Variants in CELSR3 observed in about 807,000 individuals in gnomAD.
The protein encoded by CELSR3 is EGF-like protein 1.
Under a neutral mutation model 270.0 loss-of-function variants are expected in CELSR3, and 73 were observed. The ratio of observed to expected loss-of-function variants is 0.27; its 90% confidence interval spans 0.22 to 0.33. The LOEUF (loss-of-function observed/expected upper bound fraction) is 0.33. CELSR3 is among the 10% of genes least tolerant of loss of function. CELSR3 has a pLI of 1.00. For synonymous variants in CELSR3, 1,780 were observed against 1,905.4 expected (o/e 0.93, Z 1.71); for missense variants, 3,614 against 4,533.8 (o/e 0.80, Z 5.83).
Position 48,656,795 on chromosome 3 carries a change from G to C in CELSR3, c.4302C>G (p.Thr1434=). 1 of 1,602,000 alleles carries C rather than the reference G, an allele frequency of 6.2e-7. No homozygotes were observed. Among genetic ancestry groups the C allele is most frequent in the Non-Finnish European group, 8.5e-7 (1 of 1,174,048 alleles). ...PPGFTGDFCE[T]ELDLCYSNPC... is the part of the protein sequence containing the mutation. Reference sequence around the variant, plus strand: ...GGTTGGAGTAGCAGAGGTCGAGCTCGGTCTCGCAAAAGTCTCCCGTGAATC... The same window carrying C: ...GGTTGGAGTAGCAGAGGTCGAGCTCCGTCTCGCAAAAGTCTCCCGTGAATC... Residue 1434 remains threonine, a synonymous_variant, in exon 2 of 35, where the codon ACC becomes ACG. Coordinates refer to ENST00000164024, the MANE Select transcript of CELSR3 (RefSeq NM_001407.3).
Position 48,640,664 on chromosome 3 carries a change from A to G in CELSR3, c.9026-105T>C, listed in dbSNP as rs2047017553. The G allele has an allele frequency of 7.9e-7, 1 of 1,271,494 alleles. No homozygotes were observed. Among genetic ancestry groups the G allele is most frequent in the Non-Finnish European group, 1.1e-6 (1 of 944,482 alleles). The allele number at this position is 1,271,494 out of a possible 1,614,324, so 78.8% of individuals were successfully genotyped here. On this transcript the variant is annotated intron_variant, in intron 33 of 34. Transcript: ENST00000164024. The surrounding 1 kb of genome is among the most constrained non-coding windows in gnomAD (Gnocchi z 7.5). ...GCAGCCCTTGGGATCCTTCCAACAC[A>G]GGGATGGGAGCAGGAACCCCTTGGG...
In CELSR3 at chr3:48,644,649, T is replaced by C. The variant is rs1029331410; in HGVS notation, c.8085+67A>G. The C allele has an allele frequency of 3.1e-6, 4 of 1,304,226 alleles. No individual in the cohort carries two copies. In the Admixed American group the frequency reaches 5.4e-5, roughly 18 times the overall value. The allele number at this position is 1,304,226 out of a possible 1,614,324, so 80.8% of individuals were successfully genotyped here. On this transcript the variant is annotated intron_variant, in intron 26 of 34. Transcript: ENST00000164024. This position sits in a 1 kb window ranked among gnomAD's most constrained non-coding sequence, Gnocchi z 4.8. ...TGCCACCTGACCGCCCTCAGCTGAGTCCACTGCACCTCCTCCCCCAATGAG... is the reference window on the plus strand; with the variant it reads ...TGCCACCTGACCGCCCTCAGCTGAGCCCACTGCACCTCCTCCCCCAATGAG...
Position 48,655,540 on chromosome 3 carries a change from C to A in CELSR3, c.4742-146G>T. ...GACCACAATGGCTGGCTCAGAGTGCCTTTGAACAGACAGGAGAAACAGACT... is the reference window on the plus strand; with the variant it reads ...GACCACAATGGCTGGCTCAGAGTGCATTTGAACAGACAGGAGAAACAGACT... On this transcript the variant is annotated intron_variant, in intron 4 of 34. Transcript: ENST00000164024. The surrounding 1 kb of genome is among the most constrained non-coding windows in gnomAD (Gnocchi z 5.8). 1.1e-6 allele frequency: 1 copy of A among 938,432 alleles called. No individual in the cohort carries two copies. Among genetic ancestry groups the A allele is most frequent in the Non-Finnish European group, 1.7e-6 (1 of 598,350 alleles). The allele number at this position is 938,432 out of a possible 1,614,324, so 58.1% of individuals were successfully genotyped here.
In CELSR3 at chr3:48,652,618, A is replaced by G. The variant is rs1374215889; in HGVS notation, c.5635-65T>C. ...CTGATGAACCCCTGTCATAGCCCAG[A>G]GTCAGTCTTGGCCTTCTTCTAGCCC... On this transcript the variant is annotated intron_variant, in intron 10 of 34. Coordinates refer to ENST00000164024, the MANE Select transcript of CELSR3 (RefSeq NM_001407.3). The surrounding 1 kb of genome is among the most constrained non-coding windows in gnomAD (Gnocchi z 4.3). The G allele has an allele frequency of 7.6e-7, 1 of 1,321,044 alleles. No individual in the cohort carries two copies. Among genetic ancestry groups the G allele is most frequent in the African/African-American group, 1.5e-5 (1 of 68,512 alleles). The allele number at this position is 1,321,044 out of a possible 1,614,324, so 81.8% of individuals were successfully genotyped here. A position where few individuals can be genotyped will look rare whatever the true frequency, so the allele number is the denominator to read the frequency against.
rs2077026562 is a variant in CELSR3, at chr3:48,656,791, G to T, written c.4306C>A (p.Leu1436Ile). The change falls in exon 2 of 35, where the codon CTC becomes ATC. Residue 1436 changes from leucine to isoleucine, a missense_variant. Transcript: ENST00000164024. ...GFTGDFCETE[L>I]DLCYSNPCRN... Reference sequence around the variant, plus strand: ...CATGGGTTGGAGTAGCAGAGGTCGAGCTCGGTCTCGCAAAAGTCTCCCGTG... The same window carrying T: ...CATGGGTTGGAGTAGCAGAGGTCGATCTCGGTCTCGCAAAAGTCTCCCGTG... 1 of 1,600,012 alleles carries T rather than the reference G, an allele frequency of 6.2e-7. No homozygotes were observed. The highest frequency in any genetic ancestry group is 8.5e-7 in the Non-Finnish European group (1 of 1,173,144).
Position 48,648,306 on chromosome 3 carries a change from G to C in CELSR3, c.6933C>G (p.Leu2311=). 6.4e-7 allele frequency: 1 copy of C among 1,565,360 alleles called. No homozygotes were observed. Among genetic ancestry groups the C allele is most frequent in the Non-Finnish European group, 8.7e-7 (1 of 1,150,728 alleles). ...YAATLARNME[L]TYLNPMGLVT... is the part of the protein sequence containing the mutation. ...CCAGCCCCATGGGATTCAGGTATGT[G>C]AGTTCCATATTCCTTGCGAGTGTGG... The change falls in exon 19 of 35, where the codon CTC becomes CTG. Residue 2311 remains leucine, a synonymous_variant. Transcript: ENST00000164024.
Position 48,661,526 on chromosome 3 carries a change from C to T in CELSR3, c.1109G>A (p.Ser370Asn). Reference sequence around the variant, plus strand: ...GATGCTGAACAGCTCCAGCGAGCGGCTGTTCATGAGTGCCGCCAGCGAGTA... The same window carrying T: ...GATGCTGAACAGCTCCAGCGAGCGGTTGTTCATGAGTGCCGCCAGCGAGTA... Reference protein sequence around the residue: ...LVYSLAALMNSRSLELFSIDP... With the variant: ...LVYSLAALMNNRSLELFSIDP... Residue 370 changes from serine to asparagine, a missense_variant, in exon 1 of 35, where the codon AGC becomes AAC. Ser to Asn is a conservative substitution (Grantham distance 46, BLOSUM62 1). Around this residue, in one of 7 missense-constraint regions of CELSR3, gnomAD observed 354 missense variants for 500.9 expected, o/e 0.71. Coordinates refer to ENST00000164024, the MANE Select transcript of CELSR3 (RefSeq NM_001407.3). The T allele has an allele frequency of 6.2e-7, 1 of 1,604,826 alleles. No homozygotes were observed. Among genetic ancestry groups the T allele is most frequent in the Non-Finnish European group, 8.5e-7 (1 of 1,176,778 alleles).
chr3:48,656,922 G>T lies in CELSR3; in HGVS notation c.4175C>A (p.Ser1392Tyr), dbSNP rs1160059880. 1 of 1,611,226 alleles carries T rather than the reference G, an allele frequency of 6.2e-7. No individual in the cohort carries two copies. The highest frequency in any genetic ancestry group is 8.5e-7 in the Non-Finnish European group (1 of 1,178,756). The part of the protein sequence containing the change: ...EPCENYMKCV[S>Y]VLRFDSSAPF... ...CGCGGACGAGTCAAAGCGGAGCACGGACACGCATTTCATGTAGTTCTCACA... is the reference window on the plus strand; with the variant it reads ...CGCGGACGAGTCAAAGCGGAGCACGTACACGCATTTCATGTAGTTCTCACA... The change falls in exon 2 of 35, where the codon TCC becomes TAC. Residue 1392 changes from serine (S) to tyrosine (Y), a missense_variant. By Grantham distance (144) the Ser-to-Tyr change is moderately radical. Around this residue, in one of 7 missense-constraint regions of CELSR3, gnomAD observed 1,331 missense variants for 1,933.7 expected, o/e 0.69. Coordinates refer to ENST00000164024, the MANE Select transcript of CELSR3 (RefSeq NM_001407.3).
chr3:48,651,666 G>A lies in CELSR3; in HGVS notation c.5976C>T (p.Asn1992=), dbSNP rs868205269. 6.3e-7 allele frequency: 1 copy of A among 1,584,990 alleles called. No individual in the cohort carries two copies. The highest frequency in any genetic ancestry group is 1.4e-5 in the African/African-American group (1 of 74,048). ...VDACLLNPCQ[N]QGSCRHLPGA... is the part of the protein sequence containing the mutation. ...CTGGCAGGTGCCGGCATGATCCCTGGTTCTGACAGGGGTTCAGGAGGCAGG... is the reference window on the plus strand; with the variant it reads ...CTGGCAGGTGCCGGCATGATCCCTGATTCTGACAGGGGTTCAGGAGGCAGG... Residue 1992 remains asparagine, a synonymous_variant, in exon 13 of 35, where the codon AAC becomes AAT. Coordinates refer to ENST00000164024, the MANE Select transcript of CELSR3 (RefSeq NM_001407.3). This position sits in a 1 kb window ranked among gnomAD's most constrained non-coding sequence, Gnocchi z 7.4.
chr3:48,641,641 A>G lies in CELSR3; in HGVS notation c.8825-117T>C. 1 of 864,758 alleles carries G rather than the reference A, an allele frequency of 1.2e-6. No homozygotes were observed. The highest frequency in any genetic ancestry group is 1.8e-6 in the Non-Finnish European group (1 of 558,690). The allele number at this position is 864,758 out of a possible 1,614,324, so 53.6% of individuals were successfully genotyped here. ...CTCATTGAGCAGAGGTGGGAACAGG[A>G]GGGTATCTCCTCAGAGATCAATGGG... is the stretch of plus-strand genomic sequence containing the variant. On this transcript the variant is annotated intron_variant, in intron 32 of 34. Coordinates refer to ENST00000164024, the MANE Select transcript of CELSR3 (RefSeq NM_001407.3). This position sits in a 1 kb window ranked among gnomAD's most constrained non-coding sequence, Gnocchi z 4.8.
At position 48,645,789 on chromosome 3, in the gene CELSR3, T is replaced by C. The variant is rs369967184; in HGVS notation, c.7543A>G (p.Ser2515Gly). The change falls in exon 23 of 35, where the codon AGC becomes GGC. Residue 2515 changes from serine (S) to glycine (G), a missense_variant. Physicochemically the swap from Ser to Gly is moderately conservative, Grantham distance 56. Coordinates refer to ENST00000164024, the MANE Select transcript of CELSR3 (RefSeq NM_001407.3). This position sits in a 1 kb window ranked among gnomAD's most constrained non-coding sequence, Gnocchi z 5.4. ...RNGSHARCRC[S>G]RTGTFGVLMD... The stretch of plus-strand genomic sequence containing the variant: ...AGGACCCCAAAGGTCCCTGTCCGGC[T>C]GCAGCGACACCGTGCGTGGGACCCA... 2.3e-5 allele frequency: 37 copies of C among 1,611,864 alleles called. No homozygotes were observed. The highest frequency in any genetic ancestry group is 3.1e-5 in the Non-Finnish European group (36 of 1,179,396).
In CELSR3 at chr3:48,641,618, C is replaced by T; in HGVS notation, c.8825-94G>A. ...TGACCCTTGAAACCCTGGCTGTTCT[C>T]ATTGAGCAGAGGTGGGAACAGGAGG... On this transcript the variant is annotated intron_variant, in intron 32 of 34. Coordinates refer to ENST00000164024, the MANE Select transcript of CELSR3 (RefSeq NM_001407.3). The surrounding 1 kb of genome is among the most constrained non-coding windows in gnomAD (Gnocchi z 4.8). 1 of 1,013,834 alleles carries T rather than the reference C, an allele frequency of 9.9e-7. No homozygotes were observed. Among genetic ancestry groups the T allele is most frequent in the Non-Finnish European group, 1.5e-6 (1 of 674,284 alleles). The allele number at this position is 1,013,834 out of a possible 1,614,324, so 62.8% of individuals were successfully genotyped here. A position where few individuals can be genotyped will look rare whatever the true frequency, so the allele number is the denominator to read the frequency against.
chr3:48,642,583 G>T lies in CELSR3; in HGVS notation c.8556-116C>A. ...GGTGGAATGGCATCCCTGGGTGTGT[G>T]TGGTGGGAAGCATTTAGGGCAGAGG... On this transcript the variant is annotated intron_variant, in intron 30 of 34. Coordinates refer to ENST00000164024, the MANE Select transcript of CELSR3 (RefSeq NM_001407.3). This position sits in a 1 kb window ranked among gnomAD's most constrained non-coding sequence, Gnocchi z 6.1. 7.0e-7 allele frequency: 1 copy of T among 1,422,542 alleles called. No homozygotes were observed. Among genetic ancestry groups the T allele is most frequent in the Non-Finnish European group, 9.5e-7 (1 of 1,050,136 alleles). The allele number at this position is 1,422,542 out of a possible 1,614,324, so 88.1% of individuals were successfully genotyped here. A position where few individuals can be genotyped will look rare whatever the true frequency, so the allele number is the denominator to read the frequency against.
rs764126412 is a variant in CELSR3 at position 48,655,348 on chromosome 3, A to T, written c.4788T>A (p.Ser1596Arg). The change falls in exon 5 of 35, where the codon AGT becomes AGA. Residue 1596 changes from serine to arginine, a missense_variant. By Grantham distance (110) the Ser-to-Arg change is moderately radical. This residue lies in a region of CELSR3 where 1,331 missense variants were observed against 1,933.7 expected (regional missense o/e 0.69). Transcript: ENST00000164024. This position sits in a 1 kb window ranked among gnomAD's most constrained non-coding sequence, Gnocchi z 5.8. Reference protein sequence around the residue: ...VVSPTVPGGLSDGQWHTVHLR... With the variant: ...VVSPTVPGGLRDGQWHTVHLR... ...GATGCACTGTATGCCATTGCCCGTC[A>T]CTCAAGCCCCCTGGAACTGTGGGGC... 6.2e-7 allele frequency: 1 copy of T among 1,614,036 alleles called. No individual in the cohort carries two copies. Among genetic ancestry groups the T allele is most frequent in the Admixed American group, 1.7e-5 (1 of 60,010 alleles).
Position 48,648,377 on chromosome 3 carries a change from A to G in CELSR3, c.6862T>C (p.Ser2288Pro), listed in dbSNP as rs1183603253. 6.2e-7 allele frequency: 1 copy of G among 1,611,632 alleles called. No individual in the cohort carries two copies. Among genetic ancestry groups the G allele is most frequent in the Non-Finnish European group, 8.5e-7 (1 of 1,179,566 alleles). Residue 2288 changes from serine to proline, a missense_variant, in exon 19 of 35, where the codon TCC (serine) becomes CCC (proline). Coordinates refer to ENST00000164024, the MANE Select transcript of CELSR3 (RefSeq NM_001407.3). ...CTCACCAGTCCCGCGCTGCCTGGGGAGCCCCCAGGGGCCCGCTGCCCCAGC... is the reference window on the plus strand; with the variant it reads ...CTCACCAGTCCCGCGCTGCCTGGGGGGCCCCCAGGGGCCCGCTGCCCCAGC... ...AALGQRAPGG[S>P]PGSAGLVRHL...
rs2077063361 is a variant in CELSR3, at chr3:48,661,136, C to T, written c.1499G>A (p.Arg500Gln). ...GCTTTCCATGTGCTCGCGGTCCACT[C>T]GGCCGCTGGTGCTGATGAGGCCGGA... The part of the protein sequence containing the change: ...PRSGLISTSG[R>Q]VDREHMESYE... Residue 500 changes from arginine (R) to glutamine (Q), a missense_variant, in exon 1 of 35, where the codon CGA (arginine) becomes CAA (glutamine). This residue lies in a region of CELSR3 where 354 missense variants were observed against 500.9 expected (regional missense o/e 0.71). Transcript: ENST00000164024. 2 of 1,607,574 alleles carry T rather than the reference C, an allele frequency of 1.2e-6. No homozygotes were observed. The highest frequency in any genetic ancestry group is 1.7e-5 in the Admixed American group (1 of 59,146).
In CELSR3 at chr3:48,652,440, G is replaced by A; in HGVS notation, c.5748C>T (p.Ile1916=). The change falls in exon 11 of 35, where the codon ATC becomes ATT. Residue 1916 remains isoleucine (I), a synonymous_variant. Coordinates refer to ENST00000164024, the MANE Select transcript of CELSR3 (RefSeq NM_001407.3). This position sits in a 1 kb window ranked among gnomAD's most constrained non-coding sequence, Gnocchi z 4.3. ...EEAPQGLVGC[I]QGVWLGSTPS... ...ACATTCCCATGCTGACCCCCACCTG[G>A]ATGCAGCCAACCAGACCCTGAGGAG... is the stretch of plus-strand genomic sequence containing the variant. The A allele has an allele frequency of 1.9e-6, 3 of 1,612,352 alleles. No individual in the cohort carries two copies. Among genetic ancestry groups the A allele is most frequent in the Non-Finnish European group, 2.5e-6 (3 of 1,178,656 alleles).
rs367788646 is a variant in CELSR3, at chr3:48,645,090, G to A, written c.7917C>T (p.Arg2639=). The stretch of plus-strand genomic sequence containing the variant: ...GGGCATGGTAGAAGCGCATGGCGCC[G>A]CGGTCCACGTTGCGTGGCTCAACCT... ...RMQVEPRNVD[R]GAMRFYHALG... is the part of the protein sequence containing the mutation. Residue 2639 remains arginine, a synonymous_variant, in exon 25 of 35, where the codon CGC becomes CGT. Coordinates refer to ENST00000164024, the MANE Select transcript of CELSR3 (RefSeq NM_001407.3). This position sits in a 1 kb window ranked among gnomAD's most constrained non-coding sequence, Gnocchi z 5.4. The A allele has an allele frequency of 2.4e-5, 38 of 1,603,926 alleles. No homozygotes were observed. The highest frequency in any genetic ancestry group is 1.7e-4 in the Middle Eastern group (1 of 6,050).
chr3:48,651,039 G>T lies in CELSR3; in HGVS notation c.6223C>A (p.Leu2075Ile), dbSNP rs2047132680. 6.3e-7 allele frequency: 1 copy of T among 1,588,372 alleles called. No homozygotes were observed. The highest frequency in any genetic ancestry group is 1.3e-5 in the African/African-American group (1 of 74,344). Residue 2075 changes from leucine to isoleucine, a missense_variant, in exon 15 of 35, where the codon CTC becomes ATC. Around this residue, in one of 7 missense-constraint regions of CELSR3, gnomAD observed 1,331 missense variants for 1,933.7 expected, o/e 0.69. Coordinates refer to ENST00000164024, the MANE Select transcript of CELSR3 (RefSeq NM_001407.3). This position sits in a 1 kb window ranked among gnomAD's most constrained non-coding sequence, Gnocchi z 7.4. ...HYRPRGSDSCLPCDCYPVGST... is the reference protein window; with the variant it reads ...HYRPRGSDSCIPCDCYPVGST... ...CCCACAGGGTAGCAGTCACATGGGA[G>T]GCAAGAGTCACTGCCCCGCGGTCGG...
Sources: allele counts gnomAD v4.1 joint callset, GRCh38; gene constraint gnomAD v4.1.1; regional missense constraint gnomAD v4.1.1; non-coding constraint Gnocchi (gnomAD v3.1); transcripts MANE v1.5; gene names NCBI Gene and HGNC (gene_info 2026-07-23, HGNC 2026-07-21).